ELL: variants seen among roughly 807,000 people sequenced by gnomAD.
ELL encodes the protein RNA polymerase II elongation factor ELL.
Under a neutral mutation model 64.0 loss-of-function variants are expected in ELL, and 18 were observed. That is an observed-to-expected ratio of 0.28 (90% CI 0.19 to 0.42). ELL has a LOEUF of 0.42. Ranked by LOEUF, ELL falls within the 10% of genes least tolerant of loss-of-function variation. The pLI is 1.00. For synonymous variants in ELL, 399 were observed against 376.2 expected (o/e 1.06, Z -0.70); for missense variants, 797 against 870.4 (o/e 0.92, Z 1.06).
rs1043784274 is a variant in ELL, at chr19:18,466,021, G to T, written c.184-103C>A. Reference sequence around the variant, plus strand: ...CCCCACAGTGCAACCCTCACAACAGGAATGTGCTGGCCCTTTTCCCTAAAA... The same window carrying T: ...CCCCACAGTGCAACCCTCACAACAGTAATGTGCTGGCCCTTTTCCCTAAAA... On this transcript the variant is annotated intron_variant, in intron 2 of 11. Coordinates refer to ENST00000262809, the MANE Select transcript of ELL (RefSeq NM_006532.4). 5.3e-6 allele frequency: 6 copies of T among 1,131,246 alleles called. No individual in the cohort carries two copies. The African/African-American group carries it at 8.0e-5, about 15-fold the overall frequency. The allele number at this position is 1,131,246 out of a possible 1,614,324, so 70.1% of individuals were successfully genotyped here.
chr19:18,463,776 A>G (rs1006456997), intron 4 of ELL, among the ~76,000 whole-genome samples: 9 of 151,974 alleles, frequency 5.9e-5, no homozygotes, highest in Admixed American at 1.3e-4. Flanking sequence ...CAGGAGATCG[A>G]GACCGTCCTG....
At chr19:18,465,356 T>C in intron 4 of ELL, 56 bp downstream of exon 4, 1 of 1,536,238 alleles carries the variant, frequency 6.5e-7, no homozygotes, top group Non-Finnish European at 8.8e-7. Flanking sequence ...CCCAAATGTC[T>C]CCCGACACTG....
intron 2 of ELL, 177 bp downstream of exon 2, chr19:18,472,658 G>C: frequency 1.4e-6 from 1 of 717,526 alleles, no homozygotes; most frequent in Middle Eastern, 2.7e-4. Flanking sequence ...CACCCGACAC[G>C]TCCTGGTGTG....
At chr19:18,472,315 G>A (rs1401797294) in intron 2 of ELL, 1 of 152,854 alleles carries the variant, frequency 6.5e-6, no homozygotes, top group East Asian at 1.9e-4. Flanking sequence ...CCATAGGGGA[G>A]GATGGTTTCC....
rs34585634 is a variant in ELL at position 18,455,141 on chromosome 19, CAA to C, written c.869+3062_869+3063del. 9.0e-4 allele frequency among the ~76,000 whole-genome samples: 97 copies of C among 107,894 alleles called. 1 individual carries two copies. The highest frequency in any genetic ancestry group is 5.7e-3 in the East Asian group (20 of 3,500). 70.8% of individuals were successfully genotyped at this position (107,894 alleles called of 152,430 possible). The stretch of plus-strand genomic sequence containing the variant: ...GGGCGATAGGGTGAGAGTCCCTCTC[CAA>C]AAAAAAAAAAAAAGAAAGAAAGAAA... On this transcript the variant is annotated intron_variant, in intron 6 of 11. Coordinates refer to ENST00000262809, the MANE Select transcript of ELL (RefSeq NM_006532.4).
At chr19:18,474,429 G>A (rs1394154430) in intron 1 of ELL, among the ~76,000 whole-genome samples, 2 of 152,246 alleles carry the variant, frequency 1.3e-5, no homozygotes, top group African/African-American at 4.8e-5. Context: ...GGATTCTGCT[G>A]TTTAGGGGAG....
intron 1 of ELL, among the ~76,000 whole-genome samples, chr19:18,491,747 T>C (rs1975538198): frequency 6.6e-6 from 1 of 151,552 alleles, no homozygotes; most frequent in Non-Finnish European, 1.5e-5. Context: ...AGACCCTGTC[T>C]CTACAAAAAA....
chr19:18,472,669 G>A, intron 2 of ELL, 166 bp downstream of exon 2: 2 of 792,334 alleles, frequency 2.5e-6, no homozygotes, highest in Non-Finnish European at 2.0e-6. Context: ...TCCTGGTGTG[G>A]CCCCAGCCAA....
intron 1 of ELL, among the ~76,000 whole-genome samples, chr19:18,519,213 C>A (rs1293745752): frequency 2.7e-5 from 4 of 147,542 alleles, no homozygotes; most frequent in African/African-American, 1.0e-4. Context: ...GCCTGGACAA[C>A]AGAGCAAGAC....
At chr19:18,494,861 TTCC>T (rs1302729956) in intron 1 of ELL, among the ~76,000 whole-genome samples, 1 of 152,196 alleles carries the variant, frequency 6.6e-6, no homozygotes. Flanking sequence ...GAGCCTCACC[TTCC>T]TCCACTTCCC....
intron 1 of ELL, among the ~76,000 whole-genome samples, chr19:18,503,710 G>A (rs998675830): frequency 6.6e-6 from 1 of 152,162 alleles, no homozygotes; most frequent in African/African-American, 2.4e-5. Context: ...GGAGCCAGCG[G>A]GAGTGGAGAA....
intron 1 of ELL, among the ~76,000 whole-genome samples, chr19:18,484,065 T>C (rs930674306): frequency 4.6e-5 from 7 of 152,250 alleles, no homozygotes; most frequent in Non-Finnish European, 7.3e-5. Context: ...GTACACTCCA[T>C]GGGCACCTGG....
chr19:18,452,485 C>T (rs1341844104), intron 6 of ELL, among the ~76,000 whole-genome samples: 1 of 152,234 alleles, frequency 6.6e-6, no homozygotes, highest in Non-Finnish European at 1.5e-5. Flanking sequence ...GCATTTGCAT[C>T]CACTGGACAG....
intron 1 of ELL, among the ~76,000 whole-genome samples, chr19:18,513,024 G>A (rs542084196): frequency 6.6e-6 from 1 of 152,368 alleles, no homozygotes; most frequent in African/African-American, 2.4e-5. Flanking sequence ...GGTGTTAACA[G>A]TAGGGTATAT....
Position 18,450,689 on chromosome 19 carries a change from G to A in ELL, c.1253C>T (p.Ala418Val). The A allele has an allele frequency of 6.3e-7, 1 of 1,584,024 alleles. No homozygotes were observed. Among genetic ancestry groups the A allele is most frequent in the Non-Finnish European group, 8.6e-7 (1 of 1,165,892 alleles). Residue 418 changes from alanine (A) to valine (V), a missense_variant, in exon 8 of 12, where the codon GCC (alanine) becomes GTC (valine). Ala to Val is a moderately conservative substitution (Grantham distance 64). Coordinates refer to ENST00000262809, the MANE Select transcript of ELL (RefSeq NM_006532.4). ...GRDCEHGEAA[A>V]PAPTVRLGLP... ...GCCGAGGCGCACAGTGGGGGCTGGGGCAGCCGCCTCTCCGTGCTCACAGTC... is the reference window on the plus strand; with the variant it reads ...GCCGAGGCGCACAGTGGGGGCTGGGACAGCCGCCTCTCCGTGCTCACAGTC...
chr19:18,482,519 G>C (rs1467343794), intron 1 of ELL, among the ~76,000 whole-genome samples: 1 of 151,442 alleles, frequency 6.6e-6, no homozygotes, highest in Non-Finnish European at 1.5e-5. Flanking sequence ...TGTATTTTTA[G>C]TCGAGACGGG....
chr19:18,451,699 GC>G, intron 6 of ELL, 51 bp from the exon 7 acceptor site: 3 of 1,409,630 alleles, frequency 2.1e-6, no homozygotes, highest in Non-Finnish European at 1.8e-6. Flanking sequence ...GGGCCTAGGG[GC>G]CCCAGGCCTG....
rs1975770079 is a variant in ELL, at chr19:18,501,025, C to T, written c.135+20896G>A. 6.6e-6 allele frequency among the ~76,000 whole-genome samples: 1 copy of T among 152,068 alleles called. No homozygotes were observed. Among genetic ancestry groups the T allele is most frequent in the Non-Finnish European group, 1.5e-5 (1 of 67,998 alleles). ...GGGAAGCAGGCCAACCTCCAACCAC[C>T]GAACTTGGGCCAAAACTCACAGCAG... On this transcript the variant is annotated intron_variant, in intron 1 of 11. Coordinates refer to ENST00000262809, the MANE Select transcript of ELL (RefSeq NM_006532.4). This position sits in a 1 kb window ranked among gnomAD's most constrained non-coding sequence, Gnocchi z 4.5.
chr19:18,456,997 G>A (rs1019353642), intron 6 of ELL, among the ~76,000 whole-genome samples: 7 of 150,758 alleles, frequency 4.6e-5, no homozygotes, highest in Admixed American at 1.3e-4. Flanking sequence ...GAGGGGCACC[G>A]CAGGTCACCT....
Sources: allele counts gnomAD v4.1 joint callset (sites outside exome capture counted in the v4.1 genomes callset), GRCh38; gene constraint gnomAD v4.1.1; non-coding constraint Gnocchi (gnomAD v3.1); transcripts MANE v1.5; gene names NCBI Gene and HGNC (gene_info 2026-07-23, HGNC 2026-07-21).